MPDZ: variants seen among roughly 807,000 people sequenced by gnomAD.
MPDZ encodes multiple PDZ domain crumbs cell polarity complex component.
In MPDZ, 234 loss-of-function variants were observed where a neutral mutation model predicts 239.1. That is an observed-to-expected ratio of 0.98 (90% confidence interval 0.88 to 1.09). MPDZ has a LOEUF of 1.09. Among genes scored for constraint, MPDZ ranks in the 50% least tolerant of loss-of-function variants. MPDZ has a pLI of 0.00. For synonymous variants in MPDZ, 1,048 were observed against 881.3 expected (o/e 1.19, Z -3.35); for missense variants, 3,175 against 2,510.0 (o/e 1.26, Z -5.66).
chr9:13,130,488 A>C (rs926913645), intron 32 of MPDZ, among the ~76,000 whole-genome samples: 4 of 152,160 alleles, frequency 2.6e-5, no homozygotes, highest in Non-Finnish European at 4.4e-5. Context: ...ACACTGAGTA[A>C]TGGAAAAAAA....
chr9:13,196,058 C>A, intron 13 of MPDZ, 63 bp downstream of exon 13: 1 of 1,098,638 alleles, frequency 9.1e-7, no homozygotes, highest in Non-Finnish European at 1.3e-6. Flanking sequence ...TCTATTATTC[C>A]CTCGAACTGC....
At chr9:13,221,535 T>G (rs370650053) in intron 6 of MPDZ, 35 bp from the exon 7 acceptor site, 99 of 1,596,472 alleles carry the variant, frequency 6.2e-5, no homozygotes, top group Non-Finnish European at 7.9e-5. Flanking sequence ...TTTGTAGAAA[T>G]TTACAAAGCA....
At chr9:13,137,892 G>T in intron 29 of MPDZ, 65 bp downstream of exon 29, 2 of 1,508,294 alleles carry the variant, frequency 1.3e-6, no homozygotes, top group East Asian at 2.3e-5. Context: ...TGATTTTCTG[G>T]AAACTGACAG....
rs1240065618 is a variant in MPDZ, at chr9:13,106,224, T to A, written c.*741A>T. 6.6e-6 allele frequency: 1 copy of A among 152,150 alleles called. No homozygotes were observed. 9.4% of individuals were successfully genotyped at this position (152,150 alleles called of 1,614,324 possible). A position where few individuals can be genotyped will look rare whatever the true frequency, so the allele number is the denominator to read the frequency against. On this transcript the variant is annotated 3_prime_UTR_variant, in exon 47 of 47. Coordinates refer to ENST00000319217, the MANE Select transcript of MPDZ (RefSeq NM_001378778.1). ...CCATAGTCAACATGGGGTGGCATCA[T>A]CATTTACTTATAGCAACATGAAAAT...
intron 1 of MPDZ, among the ~76,000 whole-genome samples, chr9:13,258,151 A>C (rs2138531194): frequency 6.6e-6 from 1 of 152,342 alleles, no homozygotes; most frequent in Non-Finnish European, 1.5e-5. Context: ...TTAACTGAGT[A>C]ATCATTTTAC....
chr9:13,169,057 G>C (rs1459829260), intron 21 of MPDZ, among the ~76,000 whole-genome samples: 1 of 152,082 alleles, frequency 6.6e-6, no homozygotes, highest in Non-Finnish European at 1.5e-5. Context: ...GTACTATGTT[G>C]GTTGCTTAGG....
rs759565425 is a variant in MPDZ, at chr9:13,119,927, T to C, written c.5232-278A>G. 8.0e-6 allele frequency: 3 copies of C among 373,432 alleles called. No individual in the cohort carries two copies. The East Asian group carries it at 1.9e-4, about 23-fold the overall frequency. The allele number at this position is 373,432 out of a possible 1,614,324, so 23.1% of individuals were successfully genotyped here. ...GTAGAAGCGTGTATTACCATTCTCA[T>C]TTTATGGGTCACTCGGCTACTAAGT... On this transcript the variant is annotated intron_variant, in intron 38 of 46. Transcript: ENST00000319217.
chr9:13,222,517 G>GT, intron 5 of MPDZ, 71 bp from the exon 6 acceptor site: 1 of 1,167,354 alleles, frequency 8.6e-7, no homozygotes, highest in South Asian at 1.3e-5. Flanking sequence ...TCTTTGGCAT[G>GT]TATGTTCAAG....
intron 19 of MPDZ, among the ~76,000 whole-genome samples, chr9:13,178,046 C>T (rs1182605674): frequency 5.1e-4 from 78 of 152,114 alleles, no homozygotes; most frequent in Non-Finnish European, 1.3e-4. Context: ...CCTCGTGATT[C>T]GCCTGCCTCG....
intron 45 of MPDZ, 136 bp downstream of exon 45, chr9:13,109,816 G>A: frequency 2.9e-6 from 2 of 695,132 alleles, no homozygotes; most frequent in South Asian, 3.4e-5. Context: ...CACCTGATAT[G>A]TATAATTCAC....
At chr9:13,204,034 G>T (rs1956712537) in intron 12 of MPDZ, among the ~76,000 whole-genome samples, 2 of 152,048 alleles carry the variant, frequency 1.3e-5, no homozygotes, top group Non-Finnish European at 2.9e-5. Flanking sequence ...GAATATCTCT[G>T]CAAACATAAA....
intron 36 of MPDZ, 48 bp downstream of exon 36, chr9:13,123,105 C>T (rs1475784878): frequency 6.5e-7 from 1 of 1,529,860 alleles, no homozygotes; most frequent in South Asian, 1.3e-5. Flanking sequence ...GTCTCTGAGG[C>T]CTGGCTGAAG....
rs142833163 is a variant in MPDZ, at chr9:13,220,315, T to C, written c.877-547A>G. Among the ~76,000 whole-genome samples, 54 of 152,082 alleles carry C rather than the reference T, an allele frequency of 3.6e-4. No homozygotes were observed. In the East Asian group the frequency reaches 0.01, roughly 28 times the overall value. The stretch of plus-strand genomic sequence containing the variant: ...TGAAAAGCAGTCTTATGAGCCTCCA[T>C]ACACATGCAGTCCATTAACTTTCTG... On this transcript the variant is annotated intron_variant, in intron 7 of 46. Transcript: ENST00000319217.
chr9:13,184,303 T>C (rs1346512125), intron 18 of MPDZ, among the ~76,000 whole-genome samples: 4 of 151,992 alleles, frequency 2.6e-5, no homozygotes, highest in Admixed American at 2.0e-4. Flanking sequence ...GAAGTTCTTT[T>C]TGCAATTCAC....
chr9:13,277,476 A>C (rs939921684), intron 1 of MPDZ, among the ~76,000 whole-genome samples: 8 of 152,320 alleles, frequency 5.3e-5, no homozygotes, highest in Admixed American at 1.3e-4. Context: ...ATTGCACACA[A>C]GGGTACAGGT....
At chr9:13,146,600 G>A (rs10125770) in intron 26 of MPDZ, among the ~76,000 whole-genome samples, 62,261 of 151,760 alleles carry the variant, frequency 0.41, 14,099 homozygotes, top group African/African-American at 0.61. Flanking sequence ...ACTATGATGG[G>A]GGTTGTTAAC....
chr9:13,128,405 G>A (rs1737295417), intron 32 of MPDZ, among the ~76,000 whole-genome samples: 1 of 152,150 alleles, frequency 6.6e-6, no homozygotes. Flanking sequence ...GTTGCCAACA[G>A]CCATTTGGGT....
At position 13,188,771 on chromosome 9, in the gene MPDZ, T is replaced by A; in HGVS notation, c.2364+13A>T. On this transcript the variant is annotated intron_variant, in intron 17 of 46. Transcript: ENST00000319217. ...ATAAATATAAAGGGAAGCAATAAAG[T>A]CTGAATTCTTACGGGTAAAGGCTTA... 1.9e-6 allele frequency: 3 copies of A among 1,606,284 alleles called. No individual in the cohort carries two copies. The highest frequency in any genetic ancestry group is 2.6e-6 in the Non-Finnish European group (3 of 1,174,672).
At chr9:13,207,841 T>G (rs868764095) in intron 10 of MPDZ, among the ~76,000 whole-genome samples, 2 of 152,206 alleles carry the variant, frequency 1.3e-5, no homozygotes, top group African/African-American at 4.8e-5. Flanking sequence ...AAAACTTATT[T>G]GTAAAGCAAA....
Sources: gnomAD v4.1 joint callset for allele counts (sites outside exome capture counted in the v4.1 genomes callset) on GRCh38, gnomAD v4.1.1 for gene constraint, MANE v1.5 for transcripts, NCBI Gene and HGNC (gene_info 2026-07-23, HGNC 2026-07-21) for gene names.